SLC8B1: variants seen among roughly 807,000 people sequenced by gnomAD.
SLC8B1 encodes the protein mitochondrial sodium/calcium exchanger protein.
SLC8B1 carries 52 observed loss-of-function variants against 63.4 expected under a neutral mutation model. The observed-to-expected ratio is 0.82, with a 90% CI of 0.66 to 1.03. The LOEUF (loss-of-function observed/expected upper bound fraction) is 1.03, where lower values mean the gene tolerates loss of function less well. Among genes scored for constraint, SLC8B1 ranks in the 50% least tolerant of loss-of-function variants. SLC8B1 has a pLI of 0.00. For missense variants in SLC8B1, 657 were observed against 741.7 expected (o/e 0.89, Z 1.33); for synonymous variants, 336 against 323.9 (o/e 1.04, Z -0.40).
chr12:113,302,116 C>T (rs1956596070), intron 15 of SLC8B1: 1 of 153,292 alleles, frequency 6.5e-6, no homozygotes, highest in Admixed American at 6.5e-5. Flanking sequence ...CACGCCCATC[C>T]GGAAGCTCAG....
In SLC8B1 at chr12:113,307,810, A is replaced by G; in HGVS notation, c.1292T>C (p.Leu431Pro). The G allele has an allele frequency of 6.2e-7, 1 of 1,613,432 alleles. No homozygotes were observed. The highest frequency in any genetic ancestry group is 1.1e-5 in the South Asian group (1 of 91,078). The change falls in exon 13 of 16, where the codon CTG becomes CCG. Residue 431 changes from leucine (L) to proline (P), a missense_variant. Physicochemically the swap from Leu to Pro is moderately conservative, Grantham distance 98. Transcript: ENST00000680972. ...FAFLGFLTSA[L>P]WINAAATEVV... ...CTCTGTGGCGGCCGCGTTGATCCAC[A>G]GGGCGCTGGTCAGAAAGCCCAGGAA...
chr12:113,306,494 C>T lies in SLC8B1; in HGVS notation c.1492+1G>A. 1.9e-6 allele frequency: 3 copies of T among 1,610,994 alleles called. No homozygotes were observed. The highest frequency in any genetic ancestry group is 2.5e-6 in the Non-Finnish European group (3 of 1,178,416). ...GGCCAAGAACAGACCACAAAGGATACTGAAGATGATGCCGCCAAAGCAGGC... is the reference window on the plus strand; with the variant it reads ...GGCCAAGAACAGACCACAAAGGATATTGAAGATGATGCCGCCAAAGCAGGC... On this transcript the variant is annotated splice_donor_variant, in intron 14 of 15. Coordinates refer to ENST00000680972, the MANE Select transcript of SLC8B1 (RefSeq NM_001358345.2). LOFTEE classifies it high-confidence loss of function.
chr12:113,319,076 A>G lies in SLC8B1; in HGVS notation c.695-5T>C. 1 of 1,611,956 alleles carries G rather than the reference A, an allele frequency of 6.2e-7. No individual in the cohort carries two copies. Reference sequence around the variant, plus strand: ...ACACATACAAGCCCAGGTAACCTGCAGACGGGGTGCACGCCGTCACCAAGT... The same window carrying G: ...ACACATACAAGCCCAGGTAACCTGCGGACGGGGTGCACGCCGTCACCAAGT... On this transcript the variant is annotated splice_polypyrimidine_tract_variant and splice_region_variant and intron_variant, in intron 7 of 15. Transcript: ENST00000680972.
chr12:113,323,599 C>T (rs1207973790), intron 2 of SLC8B1, among the ~76,000 whole-genome samples: 1 of 152,096 alleles, frequency 6.6e-6, no homozygotes, highest in Admixed American at 6.6e-5. Context: ...GTCCCAGCTA[C>T]TCAGGAGGCT....
chr12:113,326,784 C>T (rs1957001956), intron 2 of SLC8B1, among the ~76,000 whole-genome samples: 1 of 151,738 alleles, frequency 6.6e-6, no homozygotes, highest in South Asian at 2.1e-4. Flanking sequence ...TTAAGGAATT[C>T]CCCCGACTTC....
intron 2 of SLC8B1, among the ~76,000 whole-genome samples, chr12:113,326,147 G>A (rs1425244377): frequency 6.6e-6 from 1 of 152,098 alleles, no homozygotes; most frequent in Non-Finnish European, 1.5e-5. Flanking sequence ...TAAATCAAAA[G>A]AAGAATTTTC....
intron 2 of SLC8B1, among the ~76,000 whole-genome samples, chr12:113,328,745 C>CTT (rs557008297): frequency 0.11 from 15,564 of 139,602 alleles, 924 homozygotes; most frequent in African/African-American, 0.16. Context: ...CTCCCAGTTA[C>CTT]TTTTTTTTTT....
intron 15 of SLC8B1, 64 bp downstream of exon 15, chr12:113,304,257 T>G: frequency 6.7e-7 from 1 of 1,503,346 alleles, no homozygotes; most frequent in Non-Finnish European, 9.2e-7. Flanking sequence ...AGGGCCTTCC[T>G]GCCCCTTCCC....
rs1314184624 is a variant in SLC8B1 at position 113,315,369 on chromosome 12, G to A, written c.1101C>T (p.Pro367=). The A allele has an allele frequency of 2.4e-5, 37 of 1,557,342 alleles. No individual in the cohort carries two copies. Among genetic ancestry groups the A allele is most frequent in the Non-Finnish European group, 3.1e-5 (36 of 1,150,136 alleles). Residue 367 remains proline, a synonymous_variant, in exon 11 of 16, where the codon CCC becomes CCT. Transcript: ENST00000680972. Reference sequence around the variant, plus strand: ...ACTGCAGGGTCAGGACCACAACCAGGGGGCTGATAACCAGATGCAGACAGT... The same window carrying A: ...ACTGCAGGGTCAGGACCACAACCAGAGGGCTGATAACCAGATGCAGACAGT... ...PLNCLHLVIS[P]LVVVLTLQSG...
chr12:113,318,847 T>C, intron 8 of SLC8B1, 117 bp downstream of exon 8: 1 of 725,426 alleles, frequency 1.4e-6, no homozygotes, highest in Non-Finnish European at 2.4e-6. Context: ...AGAAAGAGCA[T>C]GAAGAGGAGA....
rs549455351 is a variant in SLC8B1 at position 113,313,215 on chromosome 12, C to T, written c.1135+2120G>A. On this transcript the variant is annotated intron_variant, in intron 11 of 15. Transcript: ENST00000680972. ...GCCACCATCGCTGGTCGGTGGTTTACTTTTATTGTGTTTATTTTTGCAGTT... is the reference window on the plus strand; with the variant it reads ...GCCACCATCGCTGGTCGGTGGTTTATTTTTATTGTGTTTATTTTTGCAGTT... Among the ~76,000 whole-genome samples the T allele has an allele frequency of 7.9e-5, 12 of 151,838 alleles. No individual in the cohort carries two copies. In the South Asian group the frequency reaches 2.5e-3, roughly 32 times the overall value.
rs1430990069 is a variant in SLC8B1, at chr12:113,321,340, C to T, written c.165G>A (p.Lys55=). ...VNQTPVVDCR[K]VCGLNVSDRC... is the part of the protein sequence containing the mutation. ...GGTCAGAGACATTCAGGCCACACAC[C>T]TTGCGGCACTGCAGGAAGACAGGGA... The change falls in exon 3 of 16, where the codon AAG becomes AAA. Residue 55 remains lysine, a synonymous_variant. Coordinates refer to ENST00000680972, the MANE Select transcript of SLC8B1 (RefSeq NM_001358345.2). 3.7e-6 allele frequency: 6 copies of T among 1,614,044 alleles called. No individual in the cohort carries two copies. Among genetic ancestry groups the T allele is most frequent in the Non-Finnish European group, 5.1e-6 (6 of 1,180,042 alleles).
At chr12:113,319,389 A>G (rs1956888003) in intron 7 of SLC8B1, 1 of 268,716 alleles carries the variant, frequency 3.7e-6, no homozygotes, top group East Asian at 1.1e-4. Flanking sequence ...AGCTCTGGCT[A>G]CAGCTAGGTT....
chr12:113,301,853 C>A (rs1323807204), intron 15 of SLC8B1, among the ~76,000 whole-genome samples: 1 of 152,188 alleles, frequency 6.6e-6, no homozygotes, highest in African/African-American at 2.4e-5. Flanking sequence ...CTGGGCCTGG[C>A]ACCTCTGCCT....
chr12:113,309,555 A>G (rs1249111687), intron 12 of SLC8B1, among the ~76,000 whole-genome samples: 1 of 152,142 alleles, frequency 6.6e-6, no homozygotes, highest in East Asian at 1.9e-4. Context: ...GGAGTTTGAG[A>G]GTAGTCTGGG....
chr12:113,298,859 T>C lies in SLC8B1; in HGVS notation c.*918A>G, dbSNP rs1956517966. On this transcript the variant is annotated 3_prime_UTR_variant, in exon 16 of 16. Transcript: ENST00000680972. The stretch of plus-strand genomic sequence containing the variant: ...TAAGGCAGTCAGGCAAACCTAAGAG[T>C]TGCTTATTTCGGCAACATAAGGCGG... 1.3e-5 allele frequency: 2 copies of C among 149,836 alleles called. No homozygotes were observed. Among genetic ancestry groups the C allele is most frequent in the African/African-American group, 2.5e-5 (1 of 39,594 alleles). 9.3% of individuals were successfully genotyped at this position (149,836 alleles called of 1,614,324 possible). A position where few individuals can be genotyped will look rare whatever the true frequency, so the allele number is the denominator to read the frequency against.
chr12:113,300,999 G>A (rs1956580100), intron 15 of SLC8B1, among the ~76,000 whole-genome samples: 1 of 151,992 alleles, frequency 6.6e-6, no homozygotes, highest in Non-Finnish European at 1.5e-5. Context: ...AGCCAGGTGT[G>A]GTAGCACATG....
At chr12:113,324,706 C>T (rs773715114) in intron 2 of SLC8B1, among the ~76,000 whole-genome samples, 11 of 150,828 alleles carry the variant, frequency 7.3e-5, no homozygotes, top group Non-Finnish European at 1.2e-4. Context: ...TGCGCCCAGC[C>T]CCTTTTTTTT....
At chr12:113,329,196 G>A (rs1410619227) in intron 2 of SLC8B1, among the ~76,000 whole-genome samples, 1 of 152,194 alleles carries the variant, frequency 6.6e-6, no homozygotes, top group African/African-American at 2.4e-5. Flanking sequence ...CAGGAGGTTG[G>A]CACAATTGTT....
Sources: allele counts gnomAD v4.1 joint callset (sites outside exome capture counted in the v4.1 genomes callset), GRCh38; gene constraint gnomAD v4.1.1; transcripts MANE v1.5; gene names NCBI Gene and HGNC (gene_info 2026-07-23, HGNC 2026-07-21).